CREBRF: variants seen among roughly 807,000 people sequenced by gnomAD.
The protein encoded by CREBRF is CREB3 regulatory factor.
A neutral mutation model predicts 66.1 loss-of-function variants in CREBRF; 5 were observed. The observed-to-expected ratio is 0.08, with a 90% CI of 0.04 to 0.16. The LOEUF (loss-of-function observed/expected upper bound fraction) is 0.16. Ranked by LOEUF, CREBRF falls within the 10% of genes least tolerant of loss-of-function variation. CREBRF has a pLI of 1.00. For synonymous variants in CREBRF, 229 were observed against 264.4 expected, an observed-to-expected ratio of 0.87 and a Z score of 1.30; for missense variants, 531 against 744.9, an observed-to-expected ratio of 0.71 and a Z score of 3.34.
chr5:173,091,148 A>G lies in CREBRF; in HGVS notation c.969A>G (p.Thr323=), dbSNP rs1422540009. ...AGAGCAGCAGTCTTTCTGCCAGTAC[A>G]TCAGTCTCAGATTCATCCCAGAAAA... ...AGESSSLSAS[T]SVSDSSQKKE... is the part of the protein sequence containing the mutation. The change falls in exon 4 of 9, where the codon ACA becomes ACG. Residue 323 remains threonine (T), a synonymous_variant. Transcript: ENST00000296953. The G allele has an allele frequency of 3.1e-6, 5 of 1,614,190 alleles. No individual in the cohort carries two copies. In the South Asian group the frequency reaches 3.3e-5, roughly 11 times the overall value.
At chr5:173,103,569 T>TCACAAAAG (rs1473184528) in intron 4 of CREBRF, among the ~76,000 whole-genome samples, 1 of 152,228 alleles carries the variant, frequency 6.6e-6, no homozygotes. Context: ...CCTTTTGTGA[T>TCACAAAAG]GACTAGCTCC....
At chr5:173,116,504 A>G (rs116542067) in intron 7 of CREBRF, among the ~76,000 whole-genome samples, 2 of 152,176 alleles carry the variant, frequency 1.3e-5, no homozygotes, top group Non-Finnish European at 2.9e-5. Flanking sequence ...TTGCCTGGCT[A>G]CTTTCACTCA....
chr5:173,122,380 C>T (rs540474866), intron 7 of CREBRF, among the ~76,000 whole-genome samples: 2 of 152,200 alleles, frequency 1.3e-5, no homozygotes, highest in East Asian at 1.9e-4. Flanking sequence ...GGATTATAGG[C>T]GTGAGCCACT....
intron 7 of CREBRF, among the ~76,000 whole-genome samples, chr5:173,122,072 TTTGTTG>T (rs372029947): frequency 2.6e-5 from 4 of 151,592 alleles, no homozygotes; most frequent in South Asian, 2.1e-4. Flanking sequence ...TCTTGAGGGT[TTTGTTG>T]TTGTTGTTGT....
At chr5:173,125,830 C>T (rs1024267452) in intron 8 of CREBRF, among the ~76,000 whole-genome samples, 1 of 152,196 alleles carries the variant, frequency 6.6e-6, no homozygotes, top group Non-Finnish European at 1.5e-5. Flanking sequence ...TGCCACTGCG[C>T]TCCCGCCTGG....
In CREBRF at chr5:173,135,085, A is replaced by ATG. The variant is rs1337555375; in HGVS notation, c.*1342_*1343dup. The ATG allele has an allele frequency of 3.3e-5, 5 of 152,478 alleles. No individual in the cohort carries two copies. The highest frequency in any genetic ancestry group is 1.2e-4 in the African/African-American group (5 of 41,566). The allele number at this position is 152,478 out of a possible 1,614,324, so 9.4% of individuals were successfully genotyped here. A position where few individuals can be genotyped will look rare whatever the true frequency, so the allele number is the denominator to read the frequency against. ...TTTATTGTATTATGTATATATATAT[A>ATG]TGTAAAGAAAGAAAAAAGCTAAAAA... On this transcript the variant is annotated 3_prime_UTR_variant, in exon 9 of 9. Transcript: ENST00000296953.
intron 2 of CREBRF, among the ~76,000 whole-genome samples, chr5:173,081,437 C>T (rs1757939072): frequency 6.6e-6 from 1 of 152,168 alleles, no homozygotes; most frequent in Non-Finnish European, 1.5e-5. Context: ...GCTCTTGCCC[C>T]TCCCCTGTTT....
At chr5:173,122,241 A>G (rs1355323024) in intron 7 of CREBRF, among the ~76,000 whole-genome samples, 1 of 151,958 alleles carries the variant, frequency 6.6e-6, no homozygotes, top group Non-Finnish European at 1.5e-5. Flanking sequence ...AGCTGTGACT[A>G]TAGGCACATG....
chr5:173,134,222 C>A lies in CREBRF; in HGVS notation c.*477C>A, dbSNP rs1759536158. 1.4e-5 allele frequency: 2 copies of A among 147,580 alleles called. No individual in the cohort carries two copies. The highest frequency in any genetic ancestry group is 2.5e-5 in the African/African-American group (1 of 39,762). The allele number at this position is 147,580 out of a possible 1,614,324, so 9.1% of individuals were successfully genotyped here. ...CACACCCAGCACTTGTGCCTGTGGG[C>A]CATATTAGATGTTCATTGTCAGAGC... On this transcript the variant is annotated 3_prime_UTR_variant, in exon 9 of 9. Transcript: ENST00000296953.
intron 2 of CREBRF, among the ~76,000 whole-genome samples, chr5:173,085,042 A>G (rs1420465697): frequency 6.6e-6 from 1 of 152,056 alleles, no homozygotes; most frequent in South Asian, 2.1e-4. Flanking sequence ...TCCTGGGTTC[A>G]AGCGATTCTC....
chr5:173,085,800 T>C (rs1265854946), intron 2 of CREBRF: 16 of 778,448 alleles, frequency 2.1e-5, no homozygotes, highest in Non-Finnish European at 3.4e-5. Context: ...GTCAGCTTTT[T>C]AGCAGTCTCT....
At chr5:173,117,648 CT>C in intron 7 of CREBRF, among the ~76,000 whole-genome samples, 8 of 37,584 alleles carry the variant, frequency 2.1e-4, no homozygotes, top group Non-Finnish European at 2.7e-4. Flanking sequence ...CTTCTCTCCT[CT>C]CTCTCTCTCT....
rs570384193 is a variant in CREBRF at position 173,138,077 on chromosome 5, T to C, written c.*4332T>C. On this transcript the variant is annotated 3_prime_UTR_variant, in exon 9 of 9. Coordinates refer to ENST00000296953, the MANE Select transcript of CREBRF (RefSeq NM_153607.3). ...TGTGGAATACCATTTCCCATGGAAC[T>C]GAGGCCATTTCCACAACTTTGCACA... The C allele has an allele frequency of 1.3e-5, 2 of 152,332 alleles. No homozygotes were observed. The highest frequency in any genetic ancestry group is 3.9e-4 in the East Asian group (2 of 5,186). 9.4% of individuals were successfully genotyped at this position (152,332 alleles called of 1,614,324 possible). A position where few individuals can be genotyped will look rare whatever the true frequency, so the allele number is the denominator to read the frequency against.
intron 1 of CREBRF, among the ~76,000 whole-genome samples, chr5:173,063,657 C>T (rs1460151033): frequency 1.4e-5 from 2 of 145,916 alleles, no homozygotes; most frequent in Admixed American, 6.8e-5. Context: ...GCGTGAGCCA[C>T]CACACCTGGC....
At chr5:173,106,157 C>T (rs1561810448) in intron 4 of CREBRF, among the ~76,000 whole-genome samples, 1 of 149,880 alleles carries the variant, frequency 6.7e-6, no homozygotes, top group South Asian at 2.1e-4. Context: ...GGGCCAGGTG[C>T]GGTGGCTCAC....
At chr5:173,064,490 C>G (rs535319985) in intron 1 of CREBRF, among the ~76,000 whole-genome samples, 8 of 151,886 alleles carry the variant, frequency 5.3e-5, no homozygotes, top group African/African-American at 1.7e-4. Context: ...CTCAAGCAGT[C>G]CTCCTGCCTC....
intron 1 of CREBRF, among the ~76,000 whole-genome samples, chr5:173,069,186 ACCATT>A (rs894516874): frequency 8.5e-5 from 13 of 152,214 alleles, no homozygotes; most frequent in African/African-American, 2.9e-4. Context: ...AAAAATAGCC[ACCATT>A]TATTGAGTGT....
rs956226181 is a variant in CREBRF at position 173,138,890 on chromosome 5, G to A, written c.*5145G>A. Reference sequence around the variant, plus strand: ...GGCTGACAGCACAGAAGTCACAAGAGAAGAGTGGAAGGGCAAGAATTCAAA... The same window carrying A: ...GGCTGACAGCACAGAAGTCACAAGAAAAGAGTGGAAGGGCAAGAATTCAAA... On this transcript the variant is annotated 3_prime_UTR_variant, in exon 9 of 9. Coordinates refer to ENST00000296953, the MANE Select transcript of CREBRF (RefSeq NM_153607.3). The A allele has an allele frequency of 1.2e-4, 19 of 152,194 alleles. No individual in the cohort carries two copies. Among genetic ancestry groups the A allele is most frequent in the African/African-American group, 1.9e-4 (8 of 41,442 alleles). 9.4% of individuals were successfully genotyped at this position (152,194 alleles called of 1,614,324 possible).
chr5:173,125,344 T>C (rs1461811879), intron 8 of CREBRF, among the ~76,000 whole-genome samples: 1 of 152,198 alleles, frequency 6.6e-6, no homozygotes, highest in Non-Finnish European at 1.5e-5. Flanking sequence ...TTCTGTCACC[T>C]TATTTCTTAG....
Sources: allele counts gnomAD v4.1 joint callset (sites outside exome capture counted in the v4.1 genomes callset), GRCh38; gene constraint gnomAD v4.1.1; transcripts MANE v1.5; gene names NCBI Gene and HGNC (gene_info 2026-07-23, HGNC 2026-07-21).